ADAMTS13: variants seen among roughly 807,000 people sequenced by gnomAD.
ADAMTS13 encodes the protein ADAM metallopeptidase with thrombospondin type 1 motif 13.
ADAMTS13 carries 110 observed loss-of-function variants against 155.1 expected under a neutral mutation model. That is an observed-to-expected ratio of 0.71 (90% CI 0.61 to 0.83). ADAMTS13 has a LOEUF of 0.83. Ranked by LOEUF, ADAMTS13 falls within the 40% of genes least tolerant of loss-of-function variation. The probability of loss-of-function intolerance (pLI) is 0.00; values close to 1 mark genes in which losing one functional copy is unlikely to be tolerated. For missense variants in ADAMTS13, 1,707 were observed against 1,891.7 expected, an observed-to-expected ratio of 0.90 and a Z score of 1.81; for synonymous variants, 758 against 756.4, an observed-to-expected ratio of 1.00 and a Z score of -0.03.
rs782382770 is a variant in ADAMTS13 at position 133,449,977 on chromosome 9, G to A, written c.3044+12G>A. 7.6e-6 allele frequency: 12 copies of A among 1,585,636 alleles called. No homozygotes were observed. Among genetic ancestry groups the A allele is most frequent in the Admixed American group, 3.6e-5 (2 of 54,934 alleles). On this transcript the variant is annotated intron_variant, in intron 23 of 28. Coordinates refer to ENST00000355699, the MANE Select transcript of ADAMTS13 (RefSeq NM_139027.6). Reference sequence around the variant, plus strand: ...CCCTGCCCACCTAGGTGAGTCAGCCGGTGATGGGAGGGGCAGCTCCTGGTG... The same window carrying A: ...CCCTGCCCACCTAGGTGAGTCAGCCAGTGATGGGAGGGGCAGCTCCTGGTG...
rs924699167 is a variant in ADAMTS13 at position 133,422,414 on chromosome 9, G to A, written c.-30G>A. 6.2e-6 allele frequency: 10 copies of A among 1,602,064 alleles called. No homozygotes were observed. The highest frequency in any genetic ancestry group is 2.7e-5 in the African/African-American group (2 of 74,716). Reference sequence around the variant, plus strand: ...AGTCACCAAGGCCCCCTCTCACTCCGCTCCACTCCTCGGGCTGGCTCTCCT... The same window carrying A: ...AGTCACCAAGGCCCCCTCTCACTCCACTCCACTCCTCGGGCTGGCTCTCCT... On this transcript the variant is annotated 5_prime_UTR_variant, in exon 1 of 29. Transcript: ENST00000355699.
intron 7 of ADAMTS13, 43 bp downstream of exon 7, chr9:133,428,814 G>A: frequency 8.0e-7 from 1 of 1,247,918 alleles, no homozygotes; most frequent in Non-Finnish European, 1.0e-6. Context: ...CCTCCAGCCA[G>A]CCCGCTGGGC....
chr9:133,416,751 T>G (rs1021650443), intron 1 of ADAMTS13, among the ~76,000 whole-genome samples: 1 of 152,218 alleles, frequency 6.6e-6, no homozygotes, highest in Non-Finnish European at 1.5e-5. Flanking sequence ...CAATCTTAGA[T>G]GATCTATTTA....
At chr9:133,433,309 C>G (rs1352244366) in intron 9 of ADAMTS13, 69 bp from the exon 10 acceptor site, 6 of 1,600,084 alleles carry the variant, frequency 3.7e-6, no homozygotes, top group Admixed American at 1.7e-5. Flanking sequence ...GGGGGACTCT[C>G]TGTGTGTGTT....
chr9:133,456,929 G>A lies in ADAMTS13; in HGVS notation c.3724+210G>A. On this transcript the variant is annotated intron_variant, in intron 27 of 28. Transcript: ENST00000355699. This position sits in a 1 kb window ranked among gnomAD's most constrained non-coding sequence, Gnocchi z 4.4. ...TGAATGCTATATCCCTCCTTTTTGG[G>A]ACCGTGCAGCAAGATGGACGGATGT... 2 of 712,064 alleles carry A rather than the reference G, an allele frequency of 2.8e-6. No homozygotes were observed. The highest frequency in any genetic ancestry group is 5.0e-6 in the Non-Finnish European group (2 of 397,956). The allele number at this position is 712,064 out of a possible 1,614,324, so 44.1% of individuals were successfully genotyped here.
At chr9:133,423,756 C>T (rs966383859) in intron 2 of ADAMTS13, among the ~76,000 whole-genome samples, 11 of 152,208 alleles carry the variant, frequency 7.2e-5, no homozygotes, top group Admixed American at 3.3e-4. Flanking sequence ...TGGTCTAGGC[C>T]AGAGGCACAC....
chr9:133,455,335 C>T lies in ADAMTS13; in HGVS notation c.3300C>T (p.Leu1100=), dbSNP rs781942887. ...DGIQRRRDTC[L]GPQAQAPVPA... is the part of the protein sequence containing the mutation. ...TCCAGCGCCGGCGTGACACCTGCCT[C>T]GGACCCCAGGCCCAGGCGCCTGTGC... Residue 1100 remains leucine (L), a synonymous_variant, in exon 25 of 29, where the codon CTC becomes CTT. Coordinates refer to ENST00000355699, the MANE Select transcript of ADAMTS13 (RefSeq NM_139027.6). 26 of 1,608,910 alleles carry T rather than the reference C, an allele frequency of 1.6e-5. No individual in the cohort carries two copies. Among genetic ancestry groups the T allele is most frequent in the African/African-American group, 9.3e-5 (7 of 74,934 alleles).
intron 7 of ADAMTS13, 32 bp downstream of exon 7, chr9:133,428,803 G>T: frequency 7.9e-7 from 1 of 1,266,342 alleles, no homozygotes; most frequent in Non-Finnish European, 9.9e-7. Flanking sequence ...GGGCGCGCGA[G>T]CCTCCAGCCA....
chr9:133,430,219 T>C, intron 8 of ADAMTS13, 118 bp downstream of exon 8: 1 of 1,376,546 alleles, frequency 7.3e-7, no homozygotes, highest in Non-Finnish European at 1.0e-6. Context: ...GCTGAGGTAC[T>C]AAGCCAGGGC....
intron 18 of ADAMTS13, 60 bp downstream of exon 18, chr9:133,442,803 G>A (rs1841775522): frequency 6.4e-7 from 1 of 1,556,952 alleles, no homozygotes. Context: ...TGGGGCTGCT[G>A]GGCTCTGTCC....
rs147643918 is a variant in ADAMTS13, at chr9:133,425,598, C to G, written c.400C>G (p.Leu134Val). 1.1e-5 allele frequency: 18 copies of G among 1,613,460 alleles called. No homozygotes were observed. The highest frequency in any genetic ancestry group is 1.4e-5 in the Non-Finnish European group (17 of 1,179,986). The change falls in exon 4 of 29, where the codon CTG becomes GTG. Residue 134 changes from leucine (L) to valine (V), a missense_variant. Physicochemically the swap from Leu to Val is conservative, Grantham distance 32 (BLOSUM62 1). Coordinates refer to ENST00000355699, the MANE Select transcript of ADAMTS13 (RefSeq NM_139027.6). This position sits in a 1 kb window ranked among gnomAD's most constrained non-coding sequence, Gnocchi z 4.6. The stretch of plus-strand genomic sequence containing the variant: ...GGTGCACCTGGTGAAGATGGTCATT[C>G]TGACAGAGCCTGAGGTAGGCATGGA... ...FRVHLVKMVILTEPEGAPNIT... is the reference protein window; with the variant it reads ...FRVHLVKMVIVTEPEGAPNIT...
At chr9:133,455,007 G>A (rs36222581) in intron 24 of ADAMTS13, among the ~76,000 whole-genome samples, 1 of 152,156 alleles carries the variant, frequency 6.6e-6, no homozygotes, top group South Asian at 2.1e-4. Context: ...ACAGAGATGA[G>A]CCGCAGCCCC....
At chr9:133,458,244 C>T (rs1554796781) in intron 28 of ADAMTS13, 150 bp downstream of exon 28, 1 of 1,006,754 alleles carries the variant, frequency 9.9e-7, no homozygotes, top group South Asian at 1.5e-5. Context: ...TCCACATATT[C>T]ACCAAGAAAT....
rs367627378 is a variant in ADAMTS13, at chr9:133,424,379, C to T, written c.231C>T (p.Gly77=). Residue 77 remains glycine, a synonymous_variant, in exon 3 of 29, where the codon GGC becomes GGT. Transcript: ENST00000355699. The surrounding 1 kb of genome is among the most constrained non-coding windows in gnomAD (Gnocchi z 4.3). The part of the protein sequence containing the change: ...RQRQRQRRAA[G]GILHLELLVA... ...GGCAGAGGCAGAGGCGGGCTGCAGGCGGCATCCTACACCTGGAGCTGCTGG... is the reference window on the plus strand; with the variant it reads ...GGCAGAGGCAGAGGCGGGCTGCAGGTGGCATCCTACACCTGGAGCTGCTGG... The T allele has an allele frequency of 2.9e-5, 47 of 1,613,486 alleles. No individual in the cohort carries two copies. Among genetic ancestry groups the T allele is most frequent in the East Asian group, 2.5e-4 (11 of 44,868 alleles).
intron 12 of ADAMTS13, 60 bp from the exon 13 acceptor site, chr9:133,437,689 G>A (rs958186012): frequency 3.7e-6 from 6 of 1,606,854 alleles, no homozygotes; most frequent in Non-Finnish European, 5.1e-6. Flanking sequence ...CTGGGTGGGG[G>A]CTGGGGGACT....
chr9:133,448,459 AG>A, intron 21 of ADAMTS13, 139 bp from the exon 22 acceptor site: 1 of 1,063,184 alleles, frequency 9.4e-7, no homozygotes. Context: ...CAGTTGTCTG[AG>A]GTCACACAGC....
chr9:133,455,625 T>G (rs1254195004), intron 25 of ADAMTS13, 190 bp downstream of exon 25: 2 of 1,598,058 alleles, frequency 1.3e-6, no homozygotes, highest in Non-Finnish European at 1.7e-6. Context: ...TCCTCCTTCC[T>G]GTCAGGCAGC....
chr9:133,416,266 G>T (rs781828307), intron 1 of ADAMTS13, among the ~76,000 whole-genome samples: 3 of 152,166 alleles, frequency 2.0e-5, no homozygotes, highest in Admixed American at 6.5e-5. Flanking sequence ...GAACTTACTC[G>T]TTACTGAGGG....
chr9:133,422,931 TC>T (rs1564406139), intron 1 of ADAMTS13, among the ~76,000 whole-genome samples, 169 bp from the exon 2 acceptor site: 39 of 137,796 alleles, frequency 2.8e-4, no homozygotes, highest in African/African-American at 9.9e-4. Flanking sequence ...TTTCTCTCTC[TC>T]TCTTTTTTTT....
Sources: allele counts gnomAD v4.1 joint callset (sites outside exome capture counted in the v4.1 genomes callset), GRCh38; gene constraint gnomAD v4.1.1; non-coding constraint Gnocchi (gnomAD v3.1); transcripts MANE v1.5; gene names NCBI Gene and HGNC (gene_info 2026-07-23, HGNC 2026-07-21).